ZNF469: variants seen among roughly 807,000 people sequenced by gnomAD.
The protein encoded by ZNF469 is zinc finger protein 469.
A neutral mutation model predicts 1.0 loss-of-function variants in ZNF469; 1 was observed. The observed-to-expected ratio is 1.00, with a 90% CI of 0.35 to 4.73. The LOEUF (loss-of-function observed/expected upper bound fraction) is 4.73. Ranked by LOEUF, ZNF469 falls within the 30% of genes most tolerant of loss-of-function variation. ZNF469 has a pLI of 0.16. For synonymous variants in ZNF469, 2,703 were observed against 2,363.4 expected, an observed-to-expected ratio of 1.14 and a Z score of -4.17; for missense variants, 6,100 against 5,356.3, an observed-to-expected ratio of 1.14 and a Z score of -4.33.
chr16:88,287,453 C>A, the ZNF469 span, among the ~76,000 whole-genome samples: 5 of 152,252 alleles, frequency 3.3e-5, no homozygotes, highest in Non-Finnish European at 5.9e-5. Context: ...CACCACTGCC[C>A]ACTACCACTA....
the ZNF469 span, among the ~76,000 whole-genome samples, chr16:88,175,089 T>C: frequency 2.0e-5 from 3 of 152,226 alleles, no homozygotes; most frequent in African/African-American, 7.2e-5. Flanking sequence ...AAAGGCTTAC[T>C]GAGCTTTTAA....
chr16:88,281,093 T>C, the ZNF469 span, among the ~76,000 whole-genome samples: 1 of 150,498 alleles, frequency 6.6e-6, no homozygotes, highest in African/African-American at 2.4e-5. Flanking sequence ...GCCACACCAA[T>C]GCTTGGTCAG....
the ZNF469 span, among the ~76,000 whole-genome samples, chr16:88,256,904 T>TTCTCTCTCTCTCTC: frequency 1.9e-4 from 3 of 15,838 alleles, no homozygotes; most frequent in African/African-American, 5.9e-4. Flanking sequence ...CCTTCTTTCT[T>TTCTCTCTCTCTCTC]TCTTTCTTTC....
At chr16:88,356,312 T>G in the ZNF469 span, among the ~76,000 whole-genome samples, 3 of 152,140 alleles carry the variant, frequency 2.0e-5, no homozygotes, top group African/African-American at 7.2e-5. Context: ...TGCCCAGCTG[T>G]GAGCCGCCTG....
chr16:88,354,617 T>C, the ZNF469 span, among the ~76,000 whole-genome samples: 2 of 53,840 alleles, frequency 3.7e-5, no homozygotes, highest in Non-Finnish European at 7.8e-5. Context: ...CGAAGGCGCT[T>C]CTCACCGCGC....
the ZNF469 span, among the ~76,000 whole-genome samples, chr16:88,308,917 A>G: frequency 1.3e-5 from 2 of 152,144 alleles, no homozygotes; most frequent in African/African-American, 4.8e-5. Context: ...CATCAAGGCT[A>G]GCCTGACACC....
the ZNF469 span, among the ~76,000 whole-genome samples, chr16:88,239,580 C>T: frequency 6.8e-6 from 1 of 147,718 alleles, no homozygotes; most frequent in Non-Finnish European, 1.5e-5. Flanking sequence ...CTCCGCCTCC[C>T]AGGTTCACGC....
chr16:88,322,976 G>A, the ZNF469 span, among the ~76,000 whole-genome samples: 3 of 152,200 alleles, frequency 2.0e-5, no homozygotes, highest in Non-Finnish European at 4.4e-5. Context: ...AGAACGGCAT[G>A]CTTACAACGC....
Position 88,438,514 on chromosome 16 carries a change from G to A in ZNF469, c.11044G>A (p.Asp3682Asn). 6.5e-7 allele frequency: 1 copy of A among 1,550,130 alleles called. No individual in the cohort carries two copies. Among genetic ancestry groups the A allele is most frequent in the Non-Finnish European group, 8.7e-7 (1 of 1,146,952 alleles). ...TGCGGGCTGCCAGAGCTCATCAAAG[G>A]ACAGGTCGGCAGCATCCACCCCCAG... ...KPAGCQSSSKDRSAASTPSKA... is the reference protein window; with the variant it reads ...KPAGCQSSSKNRSAASTPSKA... Residue 3682 changes from aspartate to asparagine, a missense_variant, in exon 3 of 3, where the codon GAC becomes AAC. Asp to Asn is a conservative substitution (Grantham distance 23, BLOSUM62 1). Transcript: ENST00000565624.
At chr16:88,325,124 C>CCGGCACA in the ZNF469 span, among the ~76,000 whole-genome samples, 11 of 148,996 alleles carry the variant, frequency 7.4e-5, no homozygotes, top group African/African-American at 2.5e-4. Context: ...CAAGTCCTCA[C>CCGGCACA]CTGCACACTC....
the ZNF469 span, among the ~76,000 whole-genome samples, chr16:88,128,478 A>T: frequency 6.6e-6 from 1 of 152,208 alleles, no homozygotes; most frequent in Non-Finnish European, 1.5e-5. Flanking sequence ...TCCTCCATGA[A>T]GTGGCACCAT....
Position 88,438,221 on chromosome 16 carries a change from C to T in ZNF469, c.10751C>T (p.Pro3584Leu), listed in dbSNP as rs2142316383. The change falls in exon 3 of 3, where the codon CCA (proline) becomes CTA (leucine). Residue 3584 changes from proline (P) to leucine (L), a missense_variant. Transcript: ENST00000565624. ...ALERPENEASPGSPGPLLQQA... is the reference protein window; with the variant it reads ...ALERPENEASLGSPGPLLQQA... ...GAGAGGCCAGAGAACGAGGCTTCCC[C>T]AGGCAGCCCCGGGCCTCTTCTCCAG... 1.9e-6 allele frequency: 3 copies of T among 1,546,880 alleles called. No homozygotes were observed. The highest frequency in any genetic ancestry group is 2.6e-6 in the Non-Finnish European group (3 of 1,144,560).
the ZNF469 span, among the ~76,000 whole-genome samples, chr16:88,301,231 T>C: frequency 6.6e-6 from 1 of 151,758 alleles, no homozygotes; most frequent in Non-Finnish European, 1.5e-5. Context: ...CTCAGCTCAC[T>C]GCAAGCTTCA....
At chr16:88,381,426 A>T (rs75225434), upstream of ZNF469, among the ~76,000 whole-genome samples, 17,089 of 140,074 alleles carry the variant, frequency 0.12, 1,227 homozygotes, top group Middle Eastern at 0.24. Flanking sequence ...GCACTCTCTC[A>T]CACACACACA....
At chr16:88,350,731 G>A in the ZNF469 span, among the ~76,000 whole-genome samples, 5 of 152,238 alleles carry the variant, frequency 3.3e-5, no homozygotes, top group Non-Finnish European at 7.3e-5. Context: ...CTCTTGGCCA[G>A]AAGTAGATGT....
Position 88,434,347 on chromosome 16 carries a change from A to T in ZNF469, c.6877A>T (p.Thr2293Ser). ...GGCTACTGGCCTGTCCAGCACTCCC[A>T]CCGGAGATGAGGCACAGGCAGGCAG... ...VRATGLSSTP[T>S]GDEAQAGRGL... The change falls in exon 3 of 3, where the codon ACC becomes TCC. Residue 2293 changes from threonine (T) to serine (S), a missense_variant. Coordinates refer to ENST00000565624, the MANE Select transcript of ZNF469 (RefSeq NM_001367624.2). 1 of 1,549,984 alleles carries T rather than the reference A, an allele frequency of 6.5e-7. No homozygotes were observed. The highest frequency in any genetic ancestry group is 1.4e-5 in the African/African-American group (1 of 73,074).
the ZNF469 span, among the ~76,000 whole-genome samples, chr16:88,121,936 T>A: frequency 7.2e-5 from 11 of 152,222 alleles, no homozygotes; most frequent in Admixed American, 1.3e-4. Flanking sequence ...AAGTGATTCC[T>A]CTTCCTTTTG....
At chr16:88,303,099 TG>T in the ZNF469 span, among the ~76,000 whole-genome samples, 1 of 152,174 alleles carries the variant, frequency 6.6e-6, no homozygotes, top group African/African-American at 2.4e-5. Flanking sequence ...CCTACTCCCC[TG>T]GTGTCTGTCT....
chr16:88,349,753 A>T, the ZNF469 span, among the ~76,000 whole-genome samples: 35 of 118,956 alleles, frequency 2.9e-4, no homozygotes, highest in East Asian at 8.4e-4. Flanking sequence ...AAGTGCACAC[A>T]TGCCCAGCAC....
Sources: gnomAD v4.1 joint callset for allele counts (sites outside exome capture counted in the v4.1 genomes callset) on GRCh38, gnomAD v4.1.1 for gene constraint, MANE v1.5 for transcripts, NCBI Gene and HGNC (gene_info 2026-07-23, HGNC 2026-07-21) for gene names.